Variants in IDNK observed in about 807,000 individuals in gnomAD.
IDNK encodes the protein IDNK gluconokinase.
Under a neutral mutation model 13.0 loss-of-function variants are expected in IDNK, and 9 were observed. The ratio of observed to expected loss-of-function variants is 0.69; its 90% CI spans 0.42 to 1.21. The LOEUF is 1.21. IDNK is among the 50% of genes most tolerant of loss of function. IDNK has a pLI of 0.00. For synonymous variants in IDNK, 92 were observed against 94.9 expected, an observed-to-expected ratio of 0.97 and a Z score of 0.18; for missense variants, 210 against 237.8, an observed-to-expected ratio of 0.88 and a Z score of 0.77.
intron 1 of IDNK, chr9:83,626,372 G>A (rs542951995): frequency 6.0e-4 from 176 of 294,842 alleles, no homozygotes; most frequent in South Asian, 1.6e-3. Flanking sequence ...AATTATGAGT[G>A]CTGGCTGGCA....
chr9:83,626,102 C>G (rs1304498162), intron 1 of IDNK, among the ~76,000 whole-genome samples: 1 of 152,178 alleles, frequency 6.6e-6, no homozygotes, highest in Non-Finnish European at 1.5e-5. Context: ...TTCCTTCTCC[C>G]CCATTGGTCT....
At chr9:83,625,713 G>A (rs550479445) in intron 1 of IDNK, among the ~76,000 whole-genome samples, 64 of 152,266 alleles carry the variant, frequency 4.2e-4, no homozygotes, top group African/African-American at 1.5e-3. Flanking sequence ...ATTTATCACA[G>A]CCTAATGGCT....
chr9:83,630,305 AAG>A (rs1203711798), intron 3 of IDNK, among the ~76,000 whole-genome samples: 5 of 152,216 alleles, frequency 3.3e-5, no homozygotes, highest in Non-Finnish European at 7.3e-5. Flanking sequence ...AGAACTATAA[AAG>A]AGAGTAATAA....
chr9:83,626,000 C>G lies in IDNK; in HGVS notation c.51-2181C>G, dbSNP rs539194860. Among the ~76,000 whole-genome samples, 27 of 152,316 alleles carry G rather than the reference C, an allele frequency of 1.8e-4. No homozygotes were observed. The South Asian group carries it at 5.6e-3, about 32-fold the overall frequency. On this transcript the variant is annotated intron_variant, in intron 1 of 4. Transcript: ENST00000376419. The stretch of plus-strand genomic sequence containing the variant: ...TTATATTTTCACAATCTTAATGAAG[C>G]CACCCTTAACATCTCCTTCCAGGTT...
chr9:83,628,212 G>T lies in IDNK; in HGVS notation c.81+1G>T. 6 of 1,549,982 alleles carry T rather than the reference G, an allele frequency of 3.9e-6. No homozygotes were observed. The highest frequency in any genetic ancestry group is 4.4e-6 in the Non-Finnish European group (5 of 1,146,392). ...CGTGGGCGCCCTGCTGGCATCTGAG[G>T]TTAGTAACCTGTCCTAATGCCTTCC... On this transcript the variant is annotated splice_donor_variant, in intron 2 of 4. Transcript: ENST00000376419. LOFTEE classifies it high-confidence loss of function.
chr9:83,641,892 T>C (rs993454889), intron 4 of IDNK, among the ~76,000 whole-genome samples: 2 of 152,248 alleles, frequency 1.3e-5, no homozygotes, highest in East Asian at 1.9e-4. Context: ...TGGGAATTAA[T>C]ATAGTTCCTA....
rs1830999160 is a variant in IDNK at position 83,631,120 on chromosome 9, G to T, written c.168+2161G>T. Among the ~76,000 whole-genome samples the T allele has an allele frequency of 2.0e-5, 3 of 152,124 alleles. 1 individual carries two copies. In the South Asian group the frequency reaches 6.2e-4, roughly 32 times the overall value. ...CAGCTCCTGGTTGCCCCGGTAACCG[G>T]TCCCCACCCTCCCCGCACTGCCCCC... On this transcript the variant is annotated intron_variant, in intron 3 of 4. Transcript: ENST00000376419.
At chr9:83,624,585 G>T (rs1830794526) in intron 1 of IDNK, among the ~76,000 whole-genome samples, 1 of 152,214 alleles carries the variant, frequency 6.6e-6, no homozygotes, top group African/African-American at 2.4e-5. Flanking sequence ...CTCCTCTGGG[G>T]GAGTGGCGTT....
At position 83,641,585 on chromosome 9, in the gene IDNK, T is replaced by C; in HGVS notation, c.206T>C (p.Leu69Ser). Residue 69 changes from leucine (L) to serine (S), a missense_variant, in exon 4 of 5, where the codon TTA becomes TCA. Physicochemically the swap from Leu to Ser is moderately radical, Grantham distance 145. Transcript: ENST00000376419. ...TGGCTCTGTAACTTGCATGACATTT[T>C]ACTAAGGTAAGAGACCACCAGGCCT... ...IPWLCNLHDILLRDVASGQRV... is the reference protein window; with the variant it reads ...IPWLCNLHDISLRDVASGQRV... The C allele has an allele frequency of 1.2e-6, 2 of 1,614,136 alleles. No homozygotes were observed. The highest frequency in any genetic ancestry group is 1.7e-6 in the Non-Finnish European group (2 of 1,180,048).
At position 83,630,358 on chromosome 9, in the gene IDNK, A is replaced by C. The variant is rs11140183; in HGVS notation, c.168+1399A>C. Among the ~76,000 whole-genome samples the C allele has an allele frequency of 8.3e-3, 1,261 of 152,316 alleles. 35 individuals are homozygous for C. The highest frequency in any genetic ancestry group is 0.046 in the East Asian group (236 of 5,184). On this transcript the variant is annotated intron_variant, in intron 3 of 4. Coordinates refer to ENST00000376419, the MANE Select transcript of IDNK (RefSeq NM_001001551.4). ...TAGTATAATAGAGTAGTAATAAAAA[A>C]GAGTAGTAATAATGTTGATACTAAA...
At chr9:83,625,473 G>A (rs763491620) in intron 1 of IDNK, among the ~76,000 whole-genome samples, 16 of 152,222 alleles carry the variant, frequency 1.1e-4, no homozygotes, top group South Asian at 2.1e-4. Flanking sequence ...GATCACCAAA[G>A]GAGTGCATGT....
intron 3 of IDNK, among the ~76,000 whole-genome samples, chr9:83,633,115 A>G (rs1018490215): frequency 6.6e-6 from 1 of 151,876 alleles, no homozygotes; most frequent in Non-Finnish European, 1.5e-5. Flanking sequence ...CGAGGCGGGC[A>G]GATCACAAGG....
chr9:83,638,416 G>C (rs1831217967), intron 3 of IDNK, among the ~76,000 whole-genome samples: 1 of 152,126 alleles, frequency 6.6e-6, no homozygotes, highest in Non-Finnish European at 1.5e-5. Context: ...GAGCTAAACA[G>C]AAAATATTCA....
chr9:83,636,427 A>G (rs2131631004), intron 3 of IDNK, among the ~76,000 whole-genome samples: 1 of 152,296 alleles, frequency 6.6e-6, no homozygotes, highest in South Asian at 2.1e-4. Flanking sequence ...CTTCTTCCCC[A>G]TTCCCCACCA....
At chr9:83,631,451 G>GAAAAAAAAAAAAAAAAAAAA (rs57832482) in intron 3 of IDNK, among the ~76,000 whole-genome samples, 1 of 56,944 alleles carries the variant, frequency 1.8e-5, no homozygotes, top group African/African-American at 7.2e-5. Context: ...TACAAAAACT[G>GAAAAAAAAAAAAAAAAAAAA]AAAAAAAAAA....
chr9:83,640,800 G>A (rs1167698405), intron 3 of IDNK, among the ~76,000 whole-genome samples: 4 of 152,334 alleles, frequency 2.6e-5, no homozygotes, highest in South Asian at 2.1e-4. Context: ...AGCCGAGATC[G>A]TGCCATTGCA....
At chr9:83,626,560 G>A in intron 1 of IDNK, 1 of 474,940 alleles carries the variant, frequency 2.1e-6, no homozygotes, top group Non-Finnish European at 4.0e-6. Context: ...GGGGTTACAG[G>A]CGTGCACCAC....
intron 1 of IDNK, chr9:83,626,834 G>C (rs1830865869): frequency 9.0e-7 from 1 of 1,106,802 alleles, no homozygotes; most frequent in South Asian, 2.0e-5. Flanking sequence ...GCCTTCAATA[G>C]AATGAACTAA....
At chr9:83,641,495 C>T in intron 3 of IDNK, 53 bp from the exon 4 acceptor site, 1 of 1,587,504 alleles carries the variant, frequency 6.3e-7, no homozygotes, top group Non-Finnish European at 8.6e-7. Context: ...TACAAACAAA[C>T]AATACCTGGA....
Sources: gnomAD v4.1 joint callset for allele counts (sites outside exome capture counted in the v4.1 genomes callset) on GRCh38, gnomAD v4.1.1 for gene constraint, MANE v1.5 for transcripts, NCBI Gene and HGNC (gene_info 2026-07-23, HGNC 2026-07-21) for gene names.